The following PRRC2C variants were observed in gnomAD, a reference collection of about 807,000 sequenced individuals.
PRRC2C encodes the protein protein PRRC2C.
In PRRC2C, 72 loss-of-function variants were observed where a neutral mutation model predicts 317.2. The observed-to-expected ratio is 0.23, with a 90% confidence interval of 0.19 to 0.28. The LOEUF (loss-of-function observed/expected upper bound fraction) is 0.28. PRRC2C is among the 10% of genes least tolerant of loss of function. The probability of loss-of-function intolerance (pLI) is 1.00; values close to 1 mark genes in which losing one functional copy is unlikely to be tolerated. For missense variants in PRRC2C, 3,074 were observed against 3,459.7 expected, an observed-to-expected ratio of 0.89 and a Z score of 2.80; for synonymous variants, 1,296 against 1,205.9, an observed-to-expected ratio of 1.07 and a Z score of -1.55.
chr1:171,493,082 A>G (rs541862040), intron 1 of PRRC2C, among the ~76,000 whole-genome samples: 14 of 24,324 alleles, frequency 5.8e-4, no homozygotes, highest in Admixed American at 3.8e-3. Flanking sequence ...TAAAATAATA[A>G]AAGAAGAGAA....
Position 171,584,201 on chromosome 1 carries a change from C to G in PRRC2C, c.7641+14C>G, listed in dbSNP as rs1235953968. On this transcript the variant is annotated intron_variant, in intron 29 of 34. Transcript: ENST00000647382. ...CATCTTCTCCAGGTAAGTCAGGGGACTAGAGCAATGCACCCTCATTGTATT... is the reference window on the plus strand; with the variant it reads ...CATCTTCTCCAGGTAAGTCAGGGGAGTAGAGCAATGCACCCTCATTGTATT... 8 of 1,581,132 alleles carry G rather than the reference C, an allele frequency of 5.1e-6. No individual in the cohort carries two copies. The highest frequency in any genetic ancestry group is 1.3e-5 in the African/African-American group (1 of 74,164).
At chr1:171,495,857 A>C (rs1384673333) in intron 1 of PRRC2C, among the ~76,000 whole-genome samples, 1 of 152,196 alleles carries the variant, frequency 6.6e-6, no homozygotes, top group African/African-American at 2.4e-5. Flanking sequence ...GATGGCTTAA[A>C]AAACAGAAAT....
At chr1:171,542,469 AG>A (rs750726060) in intron 16 of PRRC2C, among the ~76,000 whole-genome samples, 19 of 152,222 alleles carry the variant, frequency 1.2e-4, no homozygotes, top group Non-Finnish European at 2.1e-4. Flanking sequence ...GGAAACTTGT[AG>A]CTTTGGGAAA....
chr1:171,543,089 T>C (rs1678289634), intron 16 of PRRC2C, among the ~76,000 whole-genome samples: 1 of 150,314 alleles, frequency 6.7e-6, no homozygotes, highest in African/African-American at 2.4e-5. Context: ...TATTCAGATG[T>C]TGGGCCTGGT....
At chr1:171,562,866 G>A (rs941815799) in intron 20 of PRRC2C, among the ~76,000 whole-genome samples, 1 of 152,180 alleles carries the variant, frequency 6.6e-6, no homozygotes, top group Non-Finnish European at 1.5e-5. Flanking sequence ...AAGGGAGAAT[G>A]AGAGTAGTTA....
At chr1:171,549,280 T>C (rs1401087620) in intron 17 of PRRC2C, among the ~76,000 whole-genome samples, 1 of 152,170 alleles carries the variant, frequency 6.6e-6, no homozygotes, top group African/African-American at 2.4e-5. Context: ...GAAATGGTCC[T>C]CCCACTTTGG....
rs750447983 is a variant in PRRC2C at position 171,575,080 on chromosome 1, A to G, written c.6907A>G (p.Met2303Val). ...ANYNSFSSAS[M>V]PQIPVASVTP... is the part of the protein sequence containing the mutation. ...TTACAATTCGTTCTCAAGTGCATCC[A>G]TGCCCCAGATTCCTGTTGCTTCAGT... Residue 2303 changes from methionine to valine, a missense_variant, in exon 25 of 35, where the codon ATG becomes GTG. This residue lies in a region of PRRC2C where 490 missense variants were observed against 663.1 expected (regional missense o/e 0.74). Transcript: ENST00000647382. 1.2e-6 allele frequency: 2 copies of G among 1,613,924 alleles called. No individual in the cohort carries two copies. Among genetic ancestry groups the G allele is most frequent in the East Asian group, 4.5e-5 (2 of 44,866 alleles).
chr1:171,564,437 T>C (rs907182144), intron 20 of PRRC2C, among the ~76,000 whole-genome samples: 6 of 152,220 alleles, frequency 3.9e-5, no homozygotes, highest in Non-Finnish European at 5.9e-5. Context: ...GCCTTCACAG[T>C]CTACTTACTG....
chr1:171,567,271 TTTGG>T, intron 22 of PRRC2C, among the ~76,000 whole-genome samples: 2 of 152,286 alleles, frequency 1.3e-5, no homozygotes, highest in East Asian at 3.9e-4. Flanking sequence ...TTACTGTTTC[TTTGG>T]TTGAACACTG....
At chr1:171,526,803 A>ATATTTTTTT (rs1557918055) in intron 10 of PRRC2C, among the ~76,000 whole-genome samples, 1 of 85,816 alleles carries the variant, frequency 1.2e-5, no homozygotes, top group Non-Finnish European at 2.4e-5. Context: ...TCAGAAATAT[A>ATATTTTTTT]TCTTTTTTTT....
chr1:171,497,787 G>A (rs1668395535), intron 1 of PRRC2C, among the ~76,000 whole-genome samples: 1 of 151,852 alleles, frequency 6.6e-6, no homozygotes, highest in Admixed American at 6.6e-5. Context: ...GTATTTTTAC[G>A]TTATACTATA....
chr1:171,527,410 C>A (rs900098732), intron 10 of PRRC2C, among the ~76,000 whole-genome samples: 2 of 151,880 alleles, frequency 1.3e-5, no homozygotes, highest in African/African-American at 2.4e-5. Context: ...TGGGATTACA[C>A]GTGTGAATCA....
chr1:171,486,250 A>G lies in PRRC2C; in HGVS notation c.-58+515A>G, dbSNP rs368247505. Among the ~76,000 whole-genome samples the G allele has an allele frequency of 1.5e-4, 22 of 151,666 alleles. No homozygotes were observed. The East Asian group carries it at 3.9e-3, about 27-fold the overall frequency. ...AGCAATGTATGGGAGGGTCTGGTTTAAAGACCTGGTTAGATGAGAGGCTCT... is the reference window on the plus strand; with the variant it reads ...AGCAATGTATGGGAGGGTCTGGTTTGAAGACCTGGTTAGATGAGAGGCTCT... On this transcript the variant is annotated intron_variant, in intron 1 of 34. Coordinates refer to ENST00000647382, the MANE Select transcript of PRRC2C (RefSeq NM_001387844.1).
intron 23 of PRRC2C, 75 bp from the exon 24 acceptor site, chr1:171,571,245 C>A: frequency 1.2e-6 from 1 of 821,120 alleles, no homozygotes; most frequent in Non-Finnish European, 2.0e-6. Flanking sequence ...CTTAGAACAC[C>A]TTAGCATTGT....
At chr1:171,588,073 A>G (rs1650463553) in intron 32 of PRRC2C, among the ~76,000 whole-genome samples, 1 of 152,146 alleles carries the variant, frequency 6.6e-6, no homozygotes. Context: ...CCTGGGCTCA[A>G]GCAAGCCTCC....
At chr1:171,567,345 A>G (rs904996418) in intron 22 of PRRC2C, among the ~76,000 whole-genome samples, 1 of 152,216 alleles carries the variant, frequency 6.6e-6, no homozygotes, top group African/African-American at 2.4e-5. Flanking sequence ...AAAAATGCTC[A>G]TTAAGACAAG....
At chr1:171,578,984 C>T (rs550022767) in intron 26 of PRRC2C, among the ~76,000 whole-genome samples, 1 of 152,240 alleles carries the variant, frequency 6.6e-6, no homozygotes, top group African/African-American at 2.4e-5. Flanking sequence ...AAATATTTTG[C>T]TAGATTCTAG....
chr1:171,525,165 G>T (rs1453802843), intron 10 of PRRC2C, among the ~76,000 whole-genome samples, 200 bp downstream of exon 10: 1 of 152,132 alleles, frequency 6.6e-6, no homozygotes, highest in Non-Finnish European at 1.5e-5. Context: ...AGTAGCTAAA[G>T]TTATCAAGTG....
chr1:171,499,010 A>G (rs911603436), intron 1 of PRRC2C, among the ~76,000 whole-genome samples: 27 of 152,252 alleles, frequency 1.8e-4, no homozygotes, highest in African/African-American at 6.0e-4. Context: ...ATCTCTCACT[A>G]AGTTGCACAG....
Sources: allele counts gnomAD v4.1 joint callset (sites outside exome capture counted in the v4.1 genomes callset), GRCh38; gene constraint gnomAD v4.1.1; regional missense constraint gnomAD v4.1.1; transcripts MANE v1.5; gene names NCBI Gene and HGNC (gene_info 2026-07-23, HGNC 2026-07-21).